The following ATXN3 variants were observed in gnomAD, a reference collection of about 807,000 sequenced individuals.
The protein encoded by ATXN3 is ataxin 3.
A neutral mutation model predicts 58.2 loss-of-function variants in ATXN3; 28 were observed. The observed-to-expected ratio is 0.48, with a 90% CI of 0.36 to 0.66. The LOEUF (loss-of-function observed/expected upper bound fraction) is 0.66. Ranked by LOEUF, ATXN3 falls within the 30% of genes least tolerant of loss-of-function variation. The pLI, the probability that ATXN3 is intolerant of heterozygous loss-of-function variation, is 0.00. For synonymous variants in ATXN3, 113 were observed against 138.5 expected, an observed-to-expected ratio of 0.82 and a Z score of 1.29; for missense variants, 321 against 422.1, an observed-to-expected ratio of 0.76 and a Z score of 2.10.
chr14:92,047,806 C>T (rs1334351257), intron 2 of ATXN3: 2 of 152,112 alleles, frequency 1.3e-5, no homozygotes, highest in East Asian at 1.9e-4. Flanking sequence ...ATACCCACAA[C>T]AGTTATAGGG....
intron 1 of ATXN3, among the ~76,000 whole-genome samples, chr14:92,048,701 G>A (rs746463580): frequency 1.3e-5 from 2 of 152,150 alleles, no homozygotes; most frequent in Non-Finnish European, 2.9e-5. Context: ...GAAACTGTAA[G>A]CCAGACACGG....
At chr14:92,094,530 A>G (rs994336860) in intron 3 of ATXN3, among the ~76,000 whole-genome samples, 2 of 152,230 alleles carry the variant, frequency 1.3e-5, no homozygotes, top group Non-Finnish European at 2.9e-5. Context: ...ATCTACCAAA[A>G]TAAGTTCTCC....
intron 8 of ATXN3, among the ~76,000 whole-genome samples, chr14:92,081,653 T>C (rs2061507811): frequency 6.6e-6 from 1 of 152,102 alleles, no homozygotes; most frequent in Non-Finnish European, 1.5e-5. Context: ...TAATGAAATT[T>C]CAATTTTATT....
At chr14:92,101,524 G>C (rs2066779852) in intron 1 of ATXN3, among the ~76,000 whole-genome samples, 1 of 152,078 alleles carries the variant, frequency 6.6e-6, no homozygotes, top group Admixed American at 6.6e-5. Flanking sequence ...AATCAAAGCA[G>C]AAGTTCACTT....
chr14:92,066,583 G>A (rs2058443455), intron 10 of ATXN3, among the ~76,000 whole-genome samples: 2 of 145,764 alleles, frequency 1.4e-5, no homozygotes, highest in East Asian at 2.0e-4. Context: ...GTAACTCTGG[G>A]TTTAGAGTTT....
intron 9 of ATXN3, among the ~76,000 whole-genome samples, chr14:92,078,713 T>C (rs1259762764): frequency 6.6e-6 from 1 of 152,184 alleles, no homozygotes; most frequent in Admixed American, 6.5e-5. Flanking sequence ...AGAATTACAA[T>C]TAATTATTAT....
rs1555392594 is a variant in ATXN3 at position 92,060,270 on chromosome 14, A to ATATATATTTT, written c.*4049_*4050insAAAATATATA. The ATATATATTTT allele has an allele frequency of 8.5e-6, 1 of 117,422 alleles. No homozygotes were observed. Among genetic ancestry groups the ATATATATTTT allele is most frequent in the Non-Finnish European group, 1.7e-5 (1 of 59,196 alleles). 7.3% of individuals were successfully genotyped at this position (117,422 alleles called of 1,614,324 possible). ...CACACATATATATATATATATATATATTTTTTTTTTTCAGAAACAGTGTCT... is the reference window on the plus strand; with the variant it reads ...CACACATATATATATATATATATATATATATATTTTTTTTTTTTTTTCAGAAACAGTGTCT... On this transcript the variant is annotated 3_prime_UTR_variant, in exon 11 of 11. Coordinates refer to ENST00000644486, the MANE Select transcript of ATXN3 (RefSeq NM_004993.6).
rs746020592 is a variant in ATXN3, at chr14:92,096,704, A to G, written c.159T>C (p.Val53=). Residue 53 remains valine (V), a synonymous_variant, in exon 2 of 11, where the codon GTT becomes GTC. Transcript: ENST00000644486. ...AAAACGTGCGATAATCTTCACTAGT[A>G]ACTCCTCCTTCTGCCATTCTCATCC... The part of the protein sequence containing the change: ...EERMRMAEGG[V]TSEDYRTFLQ... 3 of 1,613,738 alleles carry G rather than the reference A, an allele frequency of 1.9e-6. No homozygotes were observed. The highest frequency in any genetic ancestry group is 2.5e-6 in the Non-Finnish European group (3 of 1,179,968).
chr14:92,099,259 G>A (rs954012472), intron 1 of ATXN3, among the ~76,000 whole-genome samples: 1 of 152,094 alleles, frequency 6.6e-6, no homozygotes, highest in Non-Finnish European at 1.5e-5. Context: ...CTTGCAAGAC[G>A]GATATTTTTC....
chr14:92,070,218 T>C (rs2059182306), intron 10 of ATXN3, among the ~76,000 whole-genome samples: 2 of 152,216 alleles, frequency 1.3e-5, no homozygotes, highest in South Asian at 4.1e-4. Context: ...CCCATTGTTA[T>C]TTAGATTATA....
At chr14:92,054,635 A>AT (rs558153137), downstream of ATXN3, among the ~76,000 whole-genome samples, 262 of 152,218 alleles carry the variant, frequency 1.7e-3, 2 homozygotes, top group African/African-American at 6.0e-3. Flanking sequence ...TGGAGTAGCG[A>AT]TTTTTTTATT....
intron 1 of ATXN3, among the ~76,000 whole-genome samples, chr14:92,102,706 TCTAA>T (rs1177389538): frequency 1.3e-5 from 2 of 152,172 alleles, no homozygotes; most frequent in South Asian, 2.1e-4. Flanking sequence ...TTCTCTACAC[TCTAA>T]CTCTCAGGTT....
chr14:92,069,865 C>T (rs1354976844), intron 10 of ATXN3, among the ~76,000 whole-genome samples: 3 of 152,236 alleles, frequency 2.0e-5, no homozygotes, highest in East Asian at 1.9e-4. Flanking sequence ...TGGATCCTTG[C>T]CAACACTTGG....
At chr14:92,094,442 C>T (rs1050514610) in intron 3 of ATXN3, among the ~76,000 whole-genome samples, 1 of 152,144 alleles carries the variant, frequency 6.6e-6, no homozygotes, top group Non-Finnish European at 1.5e-5. Context: ...CTACTATATA[C>T]ATCTGATAAT....
At chr14:92,088,271 C>T (rs560142515) in intron 6 of ATXN3, among the ~76,000 whole-genome samples, 124 of 152,142 alleles carry the variant, frequency 8.2e-4, no homozygotes, top group African/African-American at 2.9e-3. Context: ...AGGATTTCAC[C>T]GTGTTAGCCA....
At chr14:92,081,530 C>T (rs921414577) in intron 8 of ATXN3, among the ~76,000 whole-genome samples, 7 of 150,304 alleles carry the variant, frequency 4.7e-5, no homozygotes, top group Middle Eastern at 3.2e-3. Context: ...TGATTTCTGT[C>T]CCTGCTAATC....
At chr14:92,074,097 C>T (rs991302282) in intron 9 of ATXN3, among the ~76,000 whole-genome samples, 10 of 150,360 alleles carry the variant, frequency 6.7e-5, no homozygotes, top group South Asian at 2.1e-4. Flanking sequence ...GAGGCTGAGG[C>T]GGGCAGATCA....
chr14:92,093,460 A>C, intron 4 of ATXN3, 142 bp from the exon 5 acceptor site: 1 of 628,882 alleles, frequency 1.6e-6, no homozygotes, highest in East Asian at 2.8e-5. Context: ...AAGATCACAC[A>C]ACCATATGAA....
chr14:92,065,620 G>A (rs1328703406), intron 10 of ATXN3, among the ~76,000 whole-genome samples: 2 of 152,126 alleles, frequency 1.3e-5, no homozygotes, highest in East Asian at 1.9e-4. Context: ...AGTGGCTCAC[G>A]CCTGTAATCC....
Sources: gnomAD v4.1 joint callset for allele counts (sites outside exome capture counted in the v4.1 genomes callset) on GRCh38, gnomAD v4.1.1 for gene constraint, MANE v1.5 for transcripts, NCBI Gene and HGNC (gene_info 2026-07-23, HGNC 2026-07-21) for gene names.